Variants in GCNT1 observed in about 807,000 individuals in gnomAD.
The protein encoded by GCNT1 is beta-1,3-galactosyl-O-glycosyl-glycoprotein beta-1,6-N-acetylglucosaminyltransferase.
In GCNT1, 16 loss-of-function variants were observed where a neutral mutation model predicts 26.2. That is an observed-to-expected ratio of 0.61 (90% CI 0.41 to 0.93). The LOEUF is 0.93. Ranked by LOEUF, GCNT1 falls within the 40% of genes least tolerant of loss-of-function variation. The pLI, the probability that GCNT1 is intolerant of heterozygous loss-of-function variation, is 0.00. For synonymous variants in GCNT1, 183 were observed against 190.8 expected, an observed-to-expected ratio of 0.96 and a Z score of 0.34; for missense variants, 477 against 526.7, an observed-to-expected ratio of 0.91 and a Z score of 0.92.
At chr9:76,499,060 T>TTA (rs58528001) in intron 2 of GCNT1, among the ~76,000 whole-genome samples, 5 of 151,820 alleles carry the variant, frequency 3.3e-5, no homozygotes, top group South Asian at 2.1e-4. Flanking sequence ...ATTTTTTTTT[T>TTA]AATTTATCTG....
At position 76,504,711 on chromosome 9, in the gene GCNT1, A is replaced by G. The variant is rs1825189346; in HGVS notation, c.*1043A>G. ...TCGCTTATTGAATCCACTTGTGTCC[A>G]ACCTCCCAGGATTGTTTTATCCTAA... On this transcript the variant is annotated 3_prime_UTR_variant, in exon 4 of 4. Coordinates refer to ENST00000376730, the MANE Select transcript of GCNT1 (RefSeq NM_001490.5). 2 of 413,284 alleles carry G rather than the reference A, an allele frequency of 4.8e-6. No homozygotes were observed. The highest frequency in any genetic ancestry group is 7.1e-5 in the East Asian group (2 of 28,096). The allele number at this position is 413,284 out of a possible 1,614,324, so 25.6% of individuals were successfully genotyped here.
At chr9:76,414,863 G>A (rs931048641), upstream of GCNT1, among the ~76,000 whole-genome samples, 3 of 152,104 alleles carry the variant, frequency 2.0e-5, no homozygotes, top group Non-Finnish European at 4.4e-5. Flanking sequence ...AACCTCTGAC[G>A]TGTGATACCA....
At chr9:76,465,273 G>A (rs1004575314) in intron 2 of GCNT1, among the ~76,000 whole-genome samples, 2 of 151,638 alleles carry the variant, frequency 1.3e-5, no homozygotes, top group African/African-American at 2.4e-5. Context: ...TTAGATGTGC[G>A]TCACCACACC....
intron 2 of GCNT1, among the ~76,000 whole-genome samples, chr9:76,490,418 G>A (rs1355858125): frequency 1.3e-5 from 2 of 152,178 alleles, no homozygotes; most frequent in African/African-American, 4.8e-5. Flanking sequence ...TCTGGTTCCT[G>A]TAGCAGTGGC....
rs1411009436 is a variant in GCNT1 at position 76,506,194 on chromosome 9, ATTAC to A, written c.*2529_*2532del. The A allele has an allele frequency of 6.0e-6, 1 of 167,116 alleles. No homozygotes were observed. The highest frequency in any genetic ancestry group is 1.5e-5 in the Non-Finnish European group (1 of 68,130). 10.4% of individuals were successfully genotyped at this position (167,116 alleles called of 1,614,324 possible). On this transcript the variant is annotated 3_prime_UTR_variant, in exon 4 of 4. Coordinates refer to ENST00000376730, the MANE Select transcript of GCNT1 (RefSeq NM_001490.5). ...GGTGAGAAATATAGAAATTATTTAAATTACTTTATAGTAATTATTAAACACTAAT... is the reference window on the plus strand; with the variant it reads ...GGTGAGAAATATAGAAATTATTTAAATTTATAGTAATTATTAAACACTAAT...
intron 2 of GCNT1, among the ~76,000 whole-genome samples, chr9:76,497,807 A>T (rs940662397): frequency 1.6e-4 from 25 of 152,236 alleles, no homozygotes; most frequent in African/African-American, 5.5e-4. Context: ...TTGTAACTTA[A>T]AATCTGTTTA....
At chr9:76,404,309 A>G in the GCNT1 span, among the ~76,000 whole-genome samples, 1 of 152,170 alleles carries the variant, frequency 6.6e-6, no homozygotes, top group Non-Finnish European at 1.5e-5. Context: ...TCCAATATAT[A>G]AAATAATACA....
intron 1 of GCNT1, among the ~76,000 whole-genome samples, chr9:76,445,052 G>T (rs1291320595): frequency 6.6e-6 from 1 of 152,192 alleles, no homozygotes; most frequent in Non-Finnish European, 1.5e-5. Flanking sequence ...GGAAAGCTCT[G>T]CTATAAGTAG....
rs555073532 is a variant in GCNT1 at position 76,497,004 on chromosome 9, G to A, written c.-289-3912G>A. ...GCGAGTGAGGCTTAGTATGGTTTGGGACTTGAGTTTTTCTTGCTTTCCCAG... is the reference window on the plus strand; with the variant it reads ...GCGAGTGAGGCTTAGTATGGTTTGGAACTTGAGTTTTTCTTGCTTTCCCAG... On this transcript the variant is annotated intron_variant, in intron 2 of 3. Transcript: ENST00000376730. 4.6e-5 allele frequency among the ~76,000 whole-genome samples: 7 copies of A among 152,248 alleles called. No individual in the cohort carries two copies. In the East Asian group the frequency reaches 1.4e-3, roughly 29 times the overall value.
At chr9:76,481,696 G>C (rs192473597) in intron 2 of GCNT1, among the ~76,000 whole-genome samples, 1 of 152,236 alleles carries the variant, frequency 6.6e-6, no homozygotes, top group African/African-American at 2.4e-5. Context: ...CCACAAGCGT[G>C]TCAAGAACTA....
chr9:76,503,910 A>G lies in GCNT1; in HGVS notation c.*242A>G. On this transcript the variant is annotated 3_prime_UTR_variant, in exon 4 of 4. Coordinates refer to ENST00000376730, the MANE Select transcript of GCNT1 (RefSeq NM_001490.5). ...GGAGTAAAGGTAGCCTTGAGGCCAG[A>G]GCAGGTAGCAAGGCATTGTGGAAAG... is the stretch of plus-strand genomic sequence containing the variant. The G allele has an allele frequency of 3.9e-6, 2 of 514,578 alleles. No homozygotes were observed. The highest frequency in any genetic ancestry group is 3.6e-6 in the Non-Finnish European group (1 of 275,036). The allele number at this position is 514,578 out of a possible 1,614,324, so 31.9% of individuals were successfully genotyped here.
chr9:76,496,319 C>A (rs1824905485), intron 2 of GCNT1, among the ~76,000 whole-genome samples: 1 of 152,340 alleles, frequency 6.6e-6, no homozygotes, highest in East Asian at 1.9e-4. Context: ...CTCCATCATT[C>A]TCCGCATCCC....
At chr9:76,421,612 A>C (rs867861886) in intron 1 of GCNT1, among the ~76,000 whole-genome samples, 2 of 144,356 alleles carry the variant, frequency 1.4e-5, no homozygotes. Context: ...AAAAAAAAAA[A>C]AAAAAAAAAA....
chr9:76,464,444 C>T (rs1022960117), intron 2 of GCNT1, among the ~76,000 whole-genome samples: 2 of 152,118 alleles, frequency 1.3e-5, no homozygotes, highest in African/African-American at 2.4e-5. Flanking sequence ...CTCAAACTCC[C>T]GAGCTCAAGC....
At chr9:76,480,059 A>T (rs1035434713) in intron 2 of GCNT1, among the ~76,000 whole-genome samples, 2 of 152,210 alleles carry the variant, frequency 1.3e-5, no homozygotes, top group Non-Finnish European at 2.9e-5. Flanking sequence ...ATCCAGTTTC[A>T]GCTTTCTACA....
At chr9:76,410,416 G>A in the GCNT1 span, among the ~76,000 whole-genome samples, 1 of 151,864 alleles carries the variant, frequency 6.6e-6, no homozygotes, top group Non-Finnish European at 1.5e-5. Flanking sequence ...TGGGTGACAA[G>A]AACAAAACTC....
chr9:76,477,108 T>A (rs1824269837), intron 2 of GCNT1, among the ~76,000 whole-genome samples: 1 of 146,546 alleles, frequency 6.8e-6, no homozygotes, highest in Non-Finnish European at 1.5e-5. Flanking sequence ...ACAGACGGGG[T>A]TTCACCATGT....
intron 2 of GCNT1, among the ~76,000 whole-genome samples, chr9:76,476,645 G>T (rs1382459340): frequency 6.6e-6 from 1 of 152,052 alleles, no homozygotes; most frequent in Admixed American, 6.6e-5. Context: ...GAAGTCTCCT[G>T]CCTGAGAGGA....
At chr9:76,393,972 G>T in the GCNT1 span, 1 of 887,866 alleles carries the variant, frequency 1.1e-6, no homozygotes, top group Non-Finnish European at 1.7e-6. Flanking sequence ...GAGGAGGAAG[G>T]GTGTGCTCTC....
Sources: allele counts gnomAD v4.1 joint callset (sites outside exome capture counted in the v4.1 genomes callset), GRCh38; gene constraint gnomAD v4.1.1; transcripts MANE v1.5; gene names NCBI Gene and HGNC (gene_info 2026-07-23, HGNC 2026-07-21).